The following PER2 variants were observed in gnomAD, a reference collection of about 807,000 sequenced individuals.
The protein encoded by PER2 is period circadian protein homolog 2.
In PER2, 66 loss-of-function variants were observed where a neutral mutation model predicts 121.0. The observed-to-expected ratio is 0.55, with a 90% CI of 0.45 to 0.67. The LOEUF is 0.67. Ranked by LOEUF, PER2 falls within the 30% of genes least tolerant of loss-of-function variation. The probability of loss-of-function intolerance (pLI) is 0.00; values close to 1 mark genes in which losing one functional copy is unlikely to be tolerated. For synonymous variants in PER2, 684 were observed against 659.9 expected, an observed-to-expected ratio of 1.04 and a Z score of -0.56; for missense variants, 1,521 against 1,635.0, an observed-to-expected ratio of 0.93 and a Z score of 1.20.
At position 238,264,691 on chromosome 2, in the gene PER2, C is replaced by G. The variant is rs114373499; in HGVS notation, c.1046+821G>C. Among the ~76,000 whole-genome samples, 820 of 152,266 alleles carry G rather than the reference C, an allele frequency of 5.4e-3. 12 individuals are homozygous for G. Among genetic ancestry groups the G allele is most frequent in the African/African-American group, 0.019 (783 of 41,542 alleles). ...CTAGGCTGGAGTGCAGTGGTGCAAT[C>G]ATAGCTCACCGTAGCCTTGAACTCC... On this transcript the variant is annotated intron_variant, in intron 9 of 22. Coordinates refer to ENST00000254657, the MANE Select transcript of PER2 (RefSeq NM_022817.3).
At chr2:238,289,469 A>C (rs1696904156), upstream of PER2, 1 of 152,218 alleles carries the variant, frequency 6.6e-6, no homozygotes, top group Non-Finnish European at 1.5e-5. Flanking sequence ...CACGTGTTGC[A>C]ATTTTTGGTT....
chr2:238,261,681 G>A (rs1377510586), intron 12 of PER2, 48 bp downstream of exon 12: 2 of 1,196,748 alleles, frequency 1.7e-6, no homozygotes, highest in South Asian at 2.6e-5. Context: ...TCTGCAGGGG[G>A]CTCTCAGGCT....
At chr2:238,286,493 C>T in intron 1 of PER2, among the ~76,000 whole-genome samples, 1 of 152,052 alleles carries the variant, frequency 6.6e-6, no homozygotes, top group East Asian at 1.9e-4. Flanking sequence ...GAAAGGAGGG[C>T]CTGGTCCCTA....
chr2:238,276,452 G>A (rs146071790), intron 3 of PER2, among the ~76,000 whole-genome samples: 32 of 152,342 alleles, frequency 2.1e-4, no homozygotes, highest in African/African-American at 6.7e-4. Context: ...GATACTGGTC[G>A]ACCCATAGTC....
chr2:238,289,137 C>T (rs1475580831), upstream of PER2: 3 of 152,198 alleles, frequency 2.0e-5, no homozygotes, highest in Admixed American at 6.5e-5. Flanking sequence ...GCGCGGGGCT[C>T]CTGCGCACCT....
rs202102579 is a variant in PER2, at chr2:238,268,204, G to A, written c.825-6C>T. On this transcript the variant is annotated splice_polypyrimidine_tract_variant and splice_region_variant and intron_variant, in intron 7 of 22. Transcript: ENST00000254657. The surrounding 1 kb of genome is among the most constrained non-coding windows in gnomAD (Gnocchi z 4.0). ...TCTCGTGGCTTTTCCGGACACTGCG[G>A]AGAAGAGCCACGCTCTAAGTTGGGA... The A allele has an allele frequency of 3.1e-6, 5 of 1,613,716 alleles. No individual in the cohort carries two copies. The African/African-American group carries it at 6.7e-5, about 22-fold the overall frequency.
rs28434027 is a variant in PER2, at chr2:238,265,053, C to T, written c.1046+459G>A. On this transcript the variant is annotated intron_variant, in intron 9 of 22. Coordinates refer to ENST00000254657, the MANE Select transcript of PER2 (RefSeq NM_022817.3). Reference sequence around the variant, plus strand: ...GCTCCCAAATCTCACTGGGACTGTTCGCACCTGCTACAGCACCCTGAGGGG... The same window carrying T: ...GCTCCCAAATCTCACTGGGACTGTTTGCACCTGCTACAGCACCCTGAGGGG... Among the ~76,000 whole-genome samples the T allele has an allele frequency of 9.8e-3, 1,488 of 152,300 alleles. 33 individuals are homozygous for T. Among genetic ancestry groups the T allele is most frequent in the African/African-American group, 0.035 (1,442 of 41,564 alleles).
rs1286924956 is a variant in PER2, at chr2:238,251,709, C to G, written c.3164G>C (p.Gly1055Ala). Residue 1055 changes from glycine (G) to alanine (A), a missense_variant, in exon 20 of 23, where the codon GGC (glycine) becomes GCC (alanine). By Grantham distance (60) the Gly-to-Ala change is moderately conservative. Transcript: ENST00000254657. ...QNSDALSTSS[G>A]LLNLLLNEDL... ...CTCATTCAGCAGGAGGTTTAGGAGG[C>G]CGCTTGACGTGGAAAGGGCGTCACT... 1 of 1,613,928 alleles carries G rather than the reference C, an allele frequency of 6.2e-7. No homozygotes were observed. Among genetic ancestry groups the G allele is most frequent in the Non-Finnish European group, 8.5e-7 (1 of 1,179,950 alleles).
intron 1 of PER2, 127 bp from the exon 2 acceptor site, chr2:238,278,082 CTCTG>C: frequency 1.0e-6 from 1 of 993,012 alleles, no homozygotes; most frequent in East Asian, 2.9e-5. Context: ...TCTTTCTTCT[CTCTG>C]TCTCTCTCTC....
intron 17 of PER2, among the ~76,000 whole-genome samples, chr2:238,256,677 T>C (rs541417722): frequency 3.5e-4 from 53 of 152,304 alleles, no homozygotes; most frequent in Non-Finnish European, 7.4e-4. Context: ...CCCTCCTGCG[T>C]TGATGCCAGA....
intron 21 of PER2, 48 bp from the exon 22 acceptor site, chr2:238,249,260 T>C (rs1209951791): frequency 1.3e-6 from 2 of 1,533,154 alleles, no homozygotes; most frequent in Middle Eastern, 1.8e-4. Context: ...GTCTTAAGGG[T>C]ATCTATTTTT....
At position 238,255,663 on chromosome 2, in the gene PER2, C is replaced by T; in HGVS notation, c.2314G>A (p.Glu772Lys). The change falls in exon 18 of 23, where the codon GAA becomes AAA. Residue 772 changes from glutamate to lysine, a missense_variant. Transcript: ENST00000254657. ...LQERSKGQPSERTAPGLRNTS... is the reference protein window; with the variant it reads ...LQERSKGQPSKRTAPGLRNTS... The stretch of plus-strand genomic sequence containing the variant: ...TAATTCGGGTATCACTTACTTCGTT[C>T]ACTTGGCTGCCCCTTGGATCTTTCT... 2 of 1,614,252 alleles carry T rather than the reference C, an allele frequency of 1.2e-6. No homozygotes were observed. The highest frequency in any genetic ancestry group is 2.7e-5 in the African/African-American group (2 of 75,078).
intron 18 of PER2, 84 bp downstream of exon 18, chr2:238,255,573 T>C: frequency 7.3e-7 from 1 of 1,367,186 alleles, no homozygotes; most frequent in Non-Finnish European, 1.0e-6. Context: ...CTGGACACAT[T>C]TCACATTTTG....
At position 238,277,968 on chromosome 2, in the gene PER2, G is replaced by A. The variant is rs983698742; in HGVS notation, c.-19-13C>T. 16 of 1,608,548 alleles carry A rather than the reference G, an allele frequency of 9.9e-6. No individual in the cohort carries two copies. The highest frequency in any genetic ancestry group is 6.7e-5 in the African/African-American group (5 of 74,840). On this transcript the variant is annotated splice_polypyrimidine_tract_variant and intron_variant, in intron 1 of 22. Transcript: ENST00000254657. The stretch of plus-strand genomic sequence containing the variant: ...CTCTGGAACGAAGCTGGCAAACAGA[G>A]GGATGCTGTCACGCATTAACAAGCA...
At chr2:238,296,083 T>TGTGACCACGGA in the PER2 span, among the ~76,000 whole-genome samples, 3 of 57,176 alleles carry the variant, frequency 5.2e-5, no homozygotes, top group Admixed American at 3.5e-4. Context: ...TCGTGTGCCC[T>TGTGACCACGGA]CCTGCTGCAG....
At chr2:238,266,079 A>AT (rs1696090510) in intron 8 of PER2, among the ~76,000 whole-genome samples, 1 of 151,096 alleles carries the variant, frequency 6.6e-6, no homozygotes, top group African/African-American at 2.4e-5. Flanking sequence ...AATTTTTTGT[A>AT]TTTTTAGTTG....
At position 238,268,792 on chromosome 2, in the gene PER2, G is replaced by T; in HGVS notation, c.824+131C>A. On this transcript the variant is annotated intron_variant, in intron 7 of 22. Coordinates refer to ENST00000254657, the MANE Select transcript of PER2 (RefSeq NM_022817.3). The surrounding 1 kb of genome is among the most constrained non-coding windows in gnomAD (Gnocchi z 4.0). The stretch of plus-strand genomic sequence containing the variant: ...TAAAATGTAACTGACTGTGTTTTCT[G>T]GTAGACTTCAGAAACAGGCGTGCTG... 1.4e-6 allele frequency: 1 copy of T among 726,968 alleles called. No individual in the cohort carries two copies. The allele number at this position is 726,968 out of a possible 1,614,324, so 45.0% of individuals were successfully genotyped here.
At position 238,252,338 on chromosome 2, in the gene PER2, G is replaced by A. The variant is rs1242742506; in HGVS notation, c.3111+574C>T. ...AGGCAGGGAATCGCCTGAGGCCTAC[G>A]GACTGCACTGCTGCTGGCGTTCCCA... On this transcript the variant is annotated intron_variant, in intron 19 of 22. Transcript: ENST00000254657. This position sits in a 1 kb window ranked among gnomAD's most constrained non-coding sequence, Gnocchi z 4.2. Among the ~76,000 whole-genome samples, 4 of 152,244 alleles carry A rather than the reference G, an allele frequency of 2.6e-5. No homozygotes were observed. Among genetic ancestry groups the A allele is most frequent in the South Asian group, 4.1e-4 (2 of 4,832 alleles).
chr2:238,246,408 G>A lies in PER2; in HGVS notation c.3735C>T (p.Ser1245=). 1 of 1,612,694 alleles carries A rather than the reference G, an allele frequency of 6.2e-7. No homozygotes were observed. Among genetic ancestry groups the A allele is most frequent in the Non-Finnish European group, 8.5e-7 (1 of 1,179,212 alleles). ...VSDTKEDENG[S]PLNHRIEEQT is the part of the protein sequence containing the mutation. The stretch of plus-strand genomic sequence containing the variant: ...GCTCTTCGATCCTGTGATTCAAGGG[G>A]GATCCATTTTCGTCTTCTTTGGTGT... The change falls in exon 23 of 23, where the codon TCC becomes TCT. Residue 1245 remains serine (S), a synonymous_variant. Coordinates refer to ENST00000254657, the MANE Select transcript of PER2 (RefSeq NM_022817.3).
Sources: gnomAD v4.1 joint callset for allele counts (sites outside exome capture counted in the v4.1 genomes callset) on GRCh38, gnomAD v4.1.1 for gene constraint, Gnocchi (gnomAD v3.1) non-coding constraint, MANE v1.5 for transcripts, NCBI Gene and HGNC (gene_info 2026-07-23, HGNC 2026-07-21) for gene names.